Variants in GNB1 observed in about 807,000 individuals in gnomAD.
GNB1 encodes guanine nucleotide-binding protein G(I)/G(S)/G(T) subunit beta-1.
Under a neutral mutation model 42.9 loss-of-function variants are expected in GNB1, and 2 were observed. The observed-to-expected ratio is 0.05, with a 90% CI of 0.02 to 0.15. The LOEUF (loss-of-function observed/expected upper bound fraction) is 0.15, where lower values mean the gene tolerates loss of function less well. Ranked by LOEUF, GNB1 falls within the 10% of genes least tolerant of loss-of-function variation. The pLI, the probability that GNB1 is intolerant of heterozygous loss-of-function variation, is 1.00. For missense variants in GNB1, 193 were observed against 462.2 expected, an observed-to-expected ratio of 0.42 and a Z score of 5.34; for synonymous variants, 183 against 174.7, an observed-to-expected ratio of 1.05 and a Z score of -0.38.
Position 1,828,600 on chromosome 1 carries a change from C to T in GNB1, c.-46-3101G>A, listed in dbSNP as rs533369735. On this transcript the variant is annotated intron_variant, in intron 2 of 11. Transcript: ENST00000378609. ...TCAGAAGTAGTAATGCCAAAACTCG[C>T]TAACTTTCATCTTTAGTCACATGCA... is the stretch of plus-strand genomic sequence containing the variant. 3.9e-4 allele frequency among the ~76,000 whole-genome samples: 59 copies of T among 152,220 alleles called. No homozygotes were observed. The Middle Eastern group carries it at 0.01, about 26-fold the overall frequency.
At chr1:1,867,839 C>T (rs1414373129) in intron 1 of GNB1, among the ~76,000 whole-genome samples, 3 of 152,136 alleles carry the variant, frequency 2.0e-5, no homozygotes, top group East Asian at 1.9e-4. Context: ...GCCAGTTGAT[C>T]CAATACCTTT....
intron 2 of GNB1, among the ~76,000 whole-genome samples, chr1:1,834,301 G>C (rs1486943346): frequency 3.9e-5 from 6 of 152,122 alleles, no homozygotes; most frequent in African/African-American, 1.4e-4. Context: ...TGAAATCCCA[G>C]AAGTGGCTAC....
chr1:1,867,290 A>C (rs948738394), intron 1 of GNB1, among the ~76,000 whole-genome samples: 1 of 152,146 alleles, frequency 6.6e-6, no homozygotes, highest in Non-Finnish European at 1.5e-5. Flanking sequence ...AAAGTTTACA[A>C]ATTTGTGTTG....
In GNB1 at chr1:1,825,403, C is replaced by A; in HGVS notation, c.51G>T (p.Gln17His). The A allele has an allele frequency of 6.2e-7, 1 of 1,610,582 alleles. No homozygotes were observed. Among genetic ancestry groups the A allele is most frequent in the Non-Finnish European group, 8.5e-7 (1 of 1,176,728 alleles). Residue 17 changes from glutamine (Q) to histidine (H), a missense_variant, in exon 3 of 12, where the codon CAG (glutamine) becomes CAT (histidine). Transcript: ENST00000378609. Reference protein sequence around the residue: ...LRQEAEQLKNQIRDARKACAD... With the variant: ...LRQEAEQLKNHIRDARKACAD... Reference sequence around the variant, plus strand: ...AGCACACACAACTACATACTCGAATCTGGTTCTTAAGTTGCTCGGCCTCCT... The same window carrying A: ...AGCACACACAACTACATACTCGAATATGGTTCTTAAGTTGCTCGGCCTCCT...
At chr1:1,836,604 G>GC (rs1272861397) in intron 2 of GNB1, among the ~76,000 whole-genome samples, 2 of 151,828 alleles carry the variant, frequency 1.3e-5, no homozygotes, top group African/African-American at 4.8e-5. Context: ...AGGCTGGAGT[G>GC]CAGTTGCACA....
rs190906314 is a variant in GNB1, at chr1:1,856,642, A to G, written c.-95-17404T>C. ...AGGGTTTCACCATGTTGGCCAGGATAGTCTCCATCTCTTCACCTTGTGATC... is the reference window on the plus strand; with the variant it reads ...AGGGTTTCACCATGTTGGCCAGGATGGTCTCCATCTCTTCACCTTGTGATC... On this transcript the variant is annotated intron_variant, in intron 1 of 11. Coordinates refer to ENST00000378609, the MANE Select transcript of GNB1 (RefSeq NM_002074.5). 3.7e-4 allele frequency among the ~76,000 whole-genome samples: 56 copies of G among 151,818 alleles called. 1 individual carries two copies. In the East Asian group the frequency reaches 0.011, roughly 29 times the overall value.
At position 1,829,409 on chromosome 1, in the gene GNB1, T is replaced by C. The variant is rs747551842; in HGVS notation, c.-46-3910A>G. On this transcript the variant is annotated intron_variant, in intron 2 of 11. Coordinates refer to ENST00000378609, the MANE Select transcript of GNB1 (RefSeq NM_002074.5). ...AAAAAATTTTTGGAGATAAACTCAA[T>C]GATCAGTACCATCTTTTTGTTATGT... 5.0e-4 allele frequency among the ~76,000 whole-genome samples: 76 copies of C among 152,218 alleles called. 1 individual carries two copies. Among genetic ancestry groups the C allele is most frequent in the Non-Finnish European group, 1.8e-4 (12 of 68,036 alleles).
chr1:1,869,037 A>T (rs544317131), intron 1 of GNB1, among the ~76,000 whole-genome samples: 6 of 150,632 alleles, frequency 4.0e-5, no homozygotes, highest in Non-Finnish European at 7.4e-5. Context: ...ATACAAAAAA[A>T]TTAGCCGGTG....
intron 5 of GNB1, among the ~76,000 whole-genome samples, chr1:1,810,535 CAAAAAAA>C (rs1213355902): frequency 4.1e-5 from 3 of 73,102 alleles, no homozygotes; most frequent in Non-Finnish European, 8.0e-5. Flanking sequence ...GACCCAGTCT[CAAAAAAA>C]AAAAAAAAAA....
chr1:1,825,225 A>G (rs2100990235), intron 3 of GNB1, 172 bp downstream of exon 3: 2 of 596,410 alleles, frequency 3.4e-6, no homozygotes, highest in Non-Finnish European at 6.0e-6. Context: ...TCCCAAAAAC[A>G]ATGTACTAGG....
In GNB1 at chr1:1,786,324, C is replaced by G; in HGVS notation, c.*739G>C. 1 of 355,528 alleles carries G rather than the reference C, an allele frequency of 2.8e-6. No homozygotes were observed. The highest frequency in any genetic ancestry group is 5.0e-6 in the Non-Finnish European group (1 of 199,172). 22.0% of individuals were successfully genotyped at this position (355,528 alleles called of 1,614,324 possible). A position where few individuals can be genotyped will look rare whatever the true frequency, so the allele number is the denominator to read the frequency against. On this transcript the variant is annotated 3_prime_UTR_variant, in exon 12 of 12. Coordinates refer to ENST00000378609, the MANE Select transcript of GNB1 (RefSeq NM_002074.5). ...GGTCAGGAGGAACATGGTGCTGGATCTGAGCTCACTTTTCAGCAAAGGTGA... is the reference window on the plus strand; with the variant it reads ...GGTCAGGAGGAACATGGTGCTGGATGTGAGCTCACTTTTCAGCAAAGGTGA...
At chr1:1,856,549 T>A (rs1442825002) in intron 1 of GNB1, among the ~76,000 whole-genome samples, 1 of 152,176 alleles carries the variant, frequency 6.6e-6, no homozygotes, top group Non-Finnish European at 1.5e-5. Context: ...TGCCTCAGCC[T>A]CCCGAGTAGC....
At chr1:1,868,568 G>A (rs1323239318) in intron 1 of GNB1, among the ~76,000 whole-genome samples, 2 of 152,122 alleles carry the variant, frequency 1.3e-5, no homozygotes, top group Admixed American at 6.6e-5. Flanking sequence ...GAATCACGAG[G>A]TCAGGAGTTC....
intron 1 of GNB1, among the ~76,000 whole-genome samples, chr1:1,889,471 T>C (rs1187301070): frequency 1.3e-5 from 2 of 152,132 alleles, no homozygotes; most frequent in Non-Finnish European, 2.9e-5. Flanking sequence ...AATTTTAACA[T>C]CGGCGTTTTC....
At chr1:1,889,023 G>A (rs918852771) in intron 1 of GNB1, among the ~76,000 whole-genome samples, 8 of 152,134 alleles carry the variant, frequency 5.3e-5, no homozygotes, top group Non-Finnish European at 1.0e-4. Flanking sequence ...CCTTCCCAAA[G>A]AATCCAGAAT....
At chr1:1,823,039 G>A (rs941929863) in intron 3 of GNB1, among the ~76,000 whole-genome samples, 9 of 151,654 alleles carry the variant, frequency 5.9e-5, no homozygotes, top group Non-Finnish European at 1.0e-4. Flanking sequence ...TCAGGAGATC[G>A]AGACCATCCT....
chr1:1,873,377 A>C (rs1286017413), intron 1 of GNB1, among the ~76,000 whole-genome samples: 3 of 152,204 alleles, frequency 2.0e-5, no homozygotes, highest in African/African-American at 4.8e-5. Context: ...GATCAGAGGC[A>C]CCCTGGCTGA....
intron 1 of GNB1, among the ~76,000 whole-genome samples, chr1:1,850,232 G>T (rs574740594): frequency 2.0e-5 from 3 of 152,106 alleles, no homozygotes; most frequent in Non-Finnish European, 4.4e-5. Context: ...CCAGGTTCAA[G>T]CGATTCTCCT....
intron 5 of GNB1, among the ~76,000 whole-genome samples, chr1:1,812,389 TATATACACAC>T (rs1646793656): frequency 8.7e-6 from 1 of 115,298 alleles, no homozygotes; most frequent in African/African-American, 2.9e-5. Flanking sequence ...TACATGTATA[TATATACACAC>T]ACATACATAC....
Sources: gnomAD v4.1 joint callset for allele counts (sites outside exome capture counted in the v4.1 genomes callset) on GRCh38, gnomAD v4.1.1 for gene constraint, MANE v1.5 for transcripts, NCBI Gene and HGNC (gene_info 2026-07-23, HGNC 2026-07-21) for gene names.